The following MRPS9 variants were observed in gnomAD, a reference collection of about 807,000 sequenced individuals.
The protein encoded by MRPS9 is mitochondrial ribosomal protein S9, also known as small ribosomal subunit protein uS9m.
A neutral mutation model predicts 59.9 loss-of-function variants in MRPS9; 45 were observed. The observed-to-expected ratio is 0.75, with a 90% CI of 0.59 to 0.96. The LOEUF is 0.96. Among genes scored for constraint, MRPS9 ranks in the 40% least tolerant of loss-of-function variants. MRPS9 has a pLI of 0.00. For synonymous variants in MRPS9, 171 were observed against 166.8 expected, an observed-to-expected ratio of 1.03 and a Z score of -0.19; for missense variants, 473 against 481.1, an observed-to-expected ratio of 0.98 and a Z score of 0.16.
intron 2 of MRPS9, among the ~76,000 whole-genome samples, chr2:105,050,254 C>A (rs1191394690): frequency 6.6e-6 from 1 of 152,186 alleles, no homozygotes; most frequent in Non-Finnish European, 1.5e-5. Flanking sequence ...GTTCTCCTGC[C>A]TCAGCCTCCT....
chr2:105,070,058 G>T (rs1171497488), intron 2 of MRPS9, among the ~76,000 whole-genome samples: 1 of 152,116 alleles, frequency 6.6e-6, no homozygotes, highest in Admixed American at 6.5e-5. Context: ...AAGGAAGGGG[G>T]TAGGTGGGGA....
At chr2:105,059,758 C>T (rs1042179660) in intron 2 of MRPS9, among the ~76,000 whole-genome samples, 3 of 151,950 alleles carry the variant, frequency 2.0e-5, no homozygotes, top group Non-Finnish European at 4.4e-5. Context: ...TGCCAATTTT[C>T]CTTTAATTGT....
intron 2 of MRPS9, among the ~76,000 whole-genome samples, chr2:105,057,233 C>G (rs983767514): frequency 6.6e-6 from 1 of 152,106 alleles, no homozygotes; most frequent in Non-Finnish European, 1.5e-5. Flanking sequence ...AAACGGGTAG[C>G]CTCTAACAAA....
At chr2:105,083,939 T>A (rs1159066328) in intron 5 of MRPS9, among the ~76,000 whole-genome samples, 1 of 152,172 alleles carries the variant, frequency 6.6e-6, no homozygotes, top group Non-Finnish European at 1.5e-5. Flanking sequence ...ACTCTATATA[T>A]TGTCATTGTA....
intron 1 of MRPS9, among the ~76,000 whole-genome samples, chr2:105,045,481 G>A (rs1262749415): frequency 6.6e-6 from 1 of 151,506 alleles, no homozygotes; most frequent in African/African-American, 2.4e-5. Flanking sequence ...TAAAATCTCA[G>A]ATTGGGTTAA....
chr2:105,058,839 T>C (rs1679842582), intron 2 of MRPS9, among the ~76,000 whole-genome samples: 1 of 151,838 alleles, frequency 6.6e-6, no homozygotes, highest in Admixed American at 6.6e-5. Flanking sequence ...ACCACCATGC[T>C]CAGCTAATTT....
chr2:105,038,736 G>C (rs753443004), intron 1 of MRPS9, among the ~76,000 whole-genome samples: 1 of 152,178 alleles, frequency 6.6e-6, no homozygotes, highest in African/African-American at 2.4e-5. Context: ...GAAAGATGCA[G>C]GCCAGAACTT....
At chr2:105,049,099 A>G in intron 1 of MRPS9, 72 bp from the exon 2 acceptor site, 1 of 1,067,968 alleles carries the variant, frequency 9.4e-7, no homozygotes, top group Non-Finnish European at 1.4e-6. Flanking sequence ...ATACTATTTT[A>G]TTTAAGGACA....
Position 105,077,244 on chromosome 2 carries a change from C to CAAA in MRPS9, c.410-2729_410-2727dup, listed in dbSNP as rs56216293. ...TGGGCAATAGAGGGAGACTCCATCT[C>CAAA]AAAAAAAAAAAAGAAGAAGAAAAGA... On this transcript the variant is annotated intron_variant, in intron 4 of 10. Coordinates refer to ENST00000258455, the MANE Select transcript of MRPS9 (RefSeq NM_182640.3). Among the ~76,000 whole-genome samples the CAAA allele has an allele frequency of 3.1e-3, 356 of 115,460 alleles. 5 individuals are homozygous for CAAA. The highest frequency in any genetic ancestry group is 0.011 in the African/African-American group (336 of 30,768). 75.7% of individuals were successfully genotyped at this position (115,460 alleles called of 152,430 possible).
intron 2 of MRPS9, among the ~76,000 whole-genome samples, chr2:105,053,869 C>T (rs529572814): frequency 1.1e-4 from 17 of 152,144 alleles, no homozygotes; most frequent in African/African-American, 3.9e-4. Flanking sequence ...TTAGATTTAG[C>T]CAATTAAGTA....
At chr2:105,087,365 A>G (rs1238605918) in intron 5 of MRPS9, among the ~76,000 whole-genome samples, 2 of 152,174 alleles carry the variant, frequency 1.3e-5, no homozygotes, top group Non-Finnish European at 2.9e-5. Context: ...GTGTTGAACT[A>G]GATTCTCTGT....
At chr2:105,068,303 C>T (rs1680041532) in intron 2 of MRPS9, among the ~76,000 whole-genome samples, 1 of 152,054 alleles carries the variant, frequency 6.6e-6, no homozygotes, top group African/African-American at 2.4e-5. Context: ...ATTTATATCT[C>T]TTCTATAATA....
In MRPS9 at chr2:105,074,817, C is replaced by T. The variant is rs893178971; in HGVS notation, c.409+3328C>T. Among the ~76,000 whole-genome samples, 7 of 152,216 alleles carry T rather than the reference C, an allele frequency of 4.6e-5. No individual in the cohort carries two copies. In the South Asian group the frequency reaches 6.2e-4, roughly 14 times the overall value. On this transcript the variant is annotated intron_variant, in intron 4 of 10. Transcript: ENST00000258455. ...TCAATCAGGAGAATAGTGGTTAAAC[C>T]GGTGGTCCCCAGCCTTTTTGGCGCC...
At chr2:105,056,262 G>C (rs888306246) in intron 2 of MRPS9, among the ~76,000 whole-genome samples, 3 of 149,530 alleles carry the variant, frequency 2.0e-5, no homozygotes, top group South Asian at 2.1e-4. Context: ...TAATTTTTTA[G>C]GTAACATTTT....
chr2:105,041,096 A>C (rs889582013), intron 1 of MRPS9, among the ~76,000 whole-genome samples: 2 of 152,196 alleles, frequency 1.3e-5, no homozygotes, highest in African/African-American at 4.8e-5. Flanking sequence ...CTGTTTTGCT[A>C]TGCTAAGGTA....
At chr2:105,051,434 C>T (rs1186124277) in intron 2 of MRPS9, among the ~76,000 whole-genome samples, 1 of 152,150 alleles carries the variant, frequency 6.6e-6, no homozygotes, top group Non-Finnish European at 1.5e-5. Flanking sequence ...GTCTTGATTA[C>T]TGTAGCTTTA....
chr2:105,093,642 C>G lies in MRPS9; in HGVS notation c.929+4C>G, dbSNP rs191318875. The G allele has an allele frequency of 6.4e-5, 98 of 1,524,998 alleles. No homozygotes were observed. In the Middle Eastern group the frequency reaches 6.9e-4, roughly 11 times the overall value. The allele number at this position is 1,524,998 out of a possible 1,614,324, so 94.5% of individuals were successfully genotyped here. The stretch of plus-strand genomic sequence containing the variant: ...ACTTCCCGATCACACAGGACAGGTT[C>G]GTTTTGGGTTCTGATTTTTTGTTTT... On this transcript the variant is annotated splice_donor_region_variant and intron_variant, in intron 9 of 10. Coordinates refer to ENST00000258455, the MANE Select transcript of MRPS9 (RefSeq NM_182640.3).
intron 9 of MRPS9, among the ~76,000 whole-genome samples, chr2:105,096,114 T>C (rs1365960014): frequency 6.6e-6 from 1 of 152,166 alleles, no homozygotes; most frequent in Non-Finnish European, 1.5e-5. Flanking sequence ...AGTTATGTCA[T>C]CCCTACATCG....
intron 5 of MRPS9, among the ~76,000 whole-genome samples, chr2:105,083,206 T>A (rs1454349896): frequency 1.3e-5 from 2 of 152,166 alleles, no homozygotes; most frequent in Non-Finnish European, 2.9e-5. Flanking sequence ...GGAAGAATGT[T>A]AAAGAGGATA....
Sources: gnomAD v4.1 joint callset for allele counts (sites outside exome capture counted in the v4.1 genomes callset) on GRCh38, gnomAD v4.1.1 for gene constraint, MANE v1.5 for transcripts, NCBI Gene and HGNC (gene_info 2026-07-23, HGNC 2026-07-21) for gene names.